TRPM3: variants seen among roughly 807,000 people sequenced by gnomAD.
TRPM3 encodes the protein long transient receptor potential channel 3.
TRPM3 carries 77 observed loss-of-function variants against 181.2 expected under a neutral mutation model. The observed-to-expected ratio is 0.42, with a 90% CI of 0.35 to 0.51. The LOEUF (loss-of-function observed/expected upper bound fraction) is 0.51. Ranked by LOEUF, TRPM3 falls within the 20% of genes least tolerant of loss-of-function variation. The pLI is 0.01. For missense variants in TRPM3, 1,759 were observed against 2,196.7 expected, an observed-to-expected ratio of 0.80 and a Z score of 3.98; for synonymous variants, 745 against 796.4, an observed-to-expected ratio of 0.94 and a Z score of 1.09.
At chr9:71,283,048 G>A (rs920750036) in intron 1 of TRPM3, among the ~76,000 whole-genome samples, 1 of 151,942 alleles carries the variant, frequency 6.6e-6, no homozygotes, top group African/African-American at 2.4e-5. Flanking sequence ...TAAAATACAC[G>A]TCACATAAAA....
intron 1 of TRPM3, among the ~76,000 whole-genome samples, chr9:71,437,122 C>A (rs2094053598): frequency 6.6e-6 from 1 of 152,114 alleles, no homozygotes; most frequent in Admixed American, 6.5e-5. Flanking sequence ...ATTATTAGCT[C>A]AACTTTTTAA....
At chr9:71,294,650 A>C (rs1199298386) in intron 1 of TRPM3, among the ~76,000 whole-genome samples, 1 of 152,008 alleles carries the variant, frequency 6.6e-6, no homozygotes, top group Non-Finnish European at 1.5e-5. Context: ...CCCCAGAAAA[A>C]CTCTTGCACA....
At chr9:71,431,235 C>T (rs993062209) in intron 1 of TRPM3, among the ~76,000 whole-genome samples, 1 of 152,098 alleles carries the variant, frequency 6.6e-6, no homozygotes, top group Non-Finnish European at 1.5e-5. Flanking sequence ...GTAAGTTTCA[C>T]TTGATGAATT....
At chr9:71,151,882 C>G (rs189059284) in intron 1 of TRPM3, among the ~76,000 whole-genome samples, 1 of 152,050 alleles carries the variant, frequency 6.6e-6, no homozygotes, top group Non-Finnish European at 1.5e-5. Context: ...CAAAAACATT[C>G]GCTGAGCTCT....
chr9:70,839,073 G>C (rs1324490198), intron 5 of TRPM3, among the ~76,000 whole-genome samples: 1 of 152,120 alleles, frequency 6.6e-6, no homozygotes, highest in Non-Finnish European at 1.5e-5. Flanking sequence ...CCAGATGCTT[G>C]GTTAAAAAAT....
At chr9:71,251,852 CTCCCACCA>C (rs1028823033) in intron 1 of TRPM3, among the ~76,000 whole-genome samples, 2 of 152,138 alleles carry the variant, frequency 1.3e-5, no homozygotes, top group African/African-American at 4.8e-5. Context: ...TGCCCCCACC[CTCCCACCA>C]TCCTCTCCAC....
intron 6 of TRPM3, among the ~76,000 whole-genome samples, chr9:70,823,681 C>A (rs2093354070): frequency 9.3e-6 from 1 of 107,294 alleles, no homozygotes; most frequent in Non-Finnish European, 2.2e-5. Context: ...TTACTTATTA[C>A]TATGGTTGCC....
At chr9:71,159,062 T>C (rs1235006353) in intron 1 of TRPM3, among the ~76,000 whole-genome samples, 1 of 151,552 alleles carries the variant, frequency 6.6e-6, no homozygotes, top group African/African-American at 2.4e-5. Flanking sequence ...GTGGGATCTC[T>C]AAGCCTCCAT....
chr9:71,185,761 G>A (rs752210045), intron 1 of TRPM3, among the ~76,000 whole-genome samples: 10 of 152,020 alleles, frequency 6.6e-5, no homozygotes, highest in Non-Finnish European at 1.2e-4. Context: ...GAGGTAAGGC[G>A]TCTCATCCTT....
At chr9:70,600,720 G>T (rs2059754251) in intron 20 of TRPM3, among the ~76,000 whole-genome samples, 1 of 152,190 alleles carries the variant, frequency 6.6e-6, no homozygotes, top group African/African-American at 2.4e-5. Flanking sequence ...AGCTGGTGTT[G>T]TCCTGATGGC....
Position 70,957,430 on chromosome 9 carries a change from G to A in TRPM3, c.178-92919C>T, listed in dbSNP as rs560684057. ...CTGCTCCGGGTACTATCACTGCTGA[G>A]AGGGGAGGTGCTCTGGGGTTAAAAG... On this transcript the variant is annotated intron_variant, in intron 1 of 25. Coordinates refer to ENST00000677713, the MANE Select transcript of TRPM3 (RefSeq NM_001366145.2). Among the ~76,000 whole-genome samples the A allele has an allele frequency of 3.9e-5, 6 of 152,270 alleles. No homozygotes were observed. The East Asian group carries it at 1.2e-3, about 29-fold the overall frequency.
intron 1 of TRPM3, among the ~76,000 whole-genome samples, chr9:70,887,772 G>A (rs75257574): frequency 4.4e-4 from 67 of 152,194 alleles, no homozygotes; most frequent in African/African-American, 1.0e-3. Flanking sequence ...AGAATGGTTT[G>A]CCCCTTTACC....
At chr9:71,175,847 T>G (rs1401981986) in intron 1 of TRPM3, among the ~76,000 whole-genome samples, 5 of 152,204 alleles carry the variant, frequency 3.3e-5, no homozygotes, top group African/African-American at 1.2e-4. Context: ...AATAGAGTCA[T>G]GTACTACATT....
At chr9:70,591,787 A>G (rs2058157194) in intron 21 of TRPM3, among the ~76,000 whole-genome samples, 1 of 152,238 alleles carries the variant, frequency 6.6e-6, no homozygotes, top group Non-Finnish European at 1.5e-5. Context: ...TTATATTCTT[A>G]TTCTTGTGGC....
At chr9:70,629,196 A>G (rs1396548725) in intron 12 of TRPM3, among the ~76,000 whole-genome samples, 1 of 60,322 alleles carries the variant, frequency 1.7e-5, no homozygotes, top group African/African-American at 5.8e-5. Flanking sequence ...AGGAGGATAA[A>G]TGATTCTGTG....
chr9:71,443,721 G>A (rs2094165368), intron 1 of TRPM3, among the ~76,000 whole-genome samples: 2 of 151,954 alleles, frequency 1.3e-5, no homozygotes, highest in African/African-American at 2.4e-5. Context: ...AAATCTAACT[G>A]TCAAAGTCAA....
chr9:71,287,014 AAT>A (rs1431649132), intron 1 of TRPM3, among the ~76,000 whole-genome samples: 4 of 134,676 alleles, frequency 3.0e-5, no homozygotes, highest in African/African-American at 1.0e-4. Context: ...TACAACATAT[AAT>A]ATAGTATATA....
chr9:70,809,382 C>T (rs2091410411), intron 6 of TRPM3, among the ~76,000 whole-genome samples: 1 of 152,172 alleles, frequency 6.6e-6, no homozygotes. Context: ...CAGTGACTCA[C>T]CCAGAGCAAC....
chr9:70,801,276 T>G (rs2131222495), intron 6 of TRPM3, among the ~76,000 whole-genome samples: 1 of 152,336 alleles, frequency 6.6e-6, no homozygotes. Context: ...GTTTATTCAT[T>G]GCTTCTTGTC....
Sources: allele counts gnomAD v4.1 joint callset (sites outside exome capture counted in the v4.1 genomes callset), GRCh38; gene constraint gnomAD v4.1.1; transcripts MANE v1.5; gene names NCBI Gene and HGNC (gene_info 2026-07-23, HGNC 2026-07-21).